Variants in GREM1 observed in about 807,000 individuals in gnomAD.
The protein encoded by GREM1 is gremlin-1.
Under a neutral mutation model 13.1 loss-of-function variants are expected in GREM1, and 6 were observed. The observed-to-expected ratio is 0.46, with a 90% CI of 0.25 to 0.91. GREM1 has a LOEUF of 0.91. Ranked by LOEUF, GREM1 falls within the 40% of genes least tolerant of loss-of-function variation. The pLI, the probability that GREM1 is intolerant of heterozygous loss-of-function variation, is 0.18. For missense variants in GREM1, 185 were observed against 233.9 expected (o/e 0.79, Z 1.36); for synonymous variants, 98 against 93.7 (o/e 1.05, Z -0.27).
At chr15:32,722,912 A>T (rs552396308) in intron 1 of GREM1, among the ~76,000 whole-genome samples, 13 of 152,340 alleles carry the variant, frequency 8.5e-5, no homozygotes, top group African/African-American at 3.1e-4. Flanking sequence ...CAGAGTTTGA[A>T]AAGAAGATAT....
In GREM1 at chr15:32,723,244, C is replaced by A. The variant is rs1231914915; in HGVS notation, c.-2+5083C>A. ...AAGTGCACATTATTTGGTGATACTA[C>A]AACTGGGATTTCAAGTGCACATCAC... On this transcript the variant is annotated intron_variant, in intron 1 of 1. Coordinates refer to ENST00000651154, the MANE Select transcript of GREM1 (RefSeq NM_013372.7). Among the ~76,000 whole-genome samples, 4 of 152,214 alleles carry A rather than the reference C, an allele frequency of 2.6e-5. No homozygotes were observed. The East Asian group carries it at 7.7e-4, about 29-fold the overall frequency.
At position 32,730,040 on chromosome 15, in the gene GREM1, G is replaced by A. The variant is rs75088213; in HGVS notation, c.-1-650G>A. 5.1e-4 allele frequency among the ~76,000 whole-genome samples: 78 copies of A among 152,308 alleles called. 1 individual carries two copies. The East Asian group carries it at 0.011, about 21-fold the overall frequency. ...ATCTGAACAGCGTACCTGGGGAGAC[G>A]AAGTATTGGTATCTTTGCTTAAATG... On this transcript the variant is annotated intron_variant, in intron 1 of 1. Coordinates refer to ENST00000651154, the MANE Select transcript of GREM1 (RefSeq NM_013372.7).
rs1382342425 is a variant in GREM1 at position 32,731,124 on chromosome 15, A to G, written c.434A>G (p.Lys145Arg). 6.2e-7 allele frequency: 1 copy of G among 1,614,164 alleles called. No homozygotes were observed. Among genetic ancestry groups the G allele is most frequent in the East Asian group, 2.2e-5 (1 of 44,878 alleles). The change falls in exon 2 of 2, where the codon AAG (lysine) becomes AGG (arginine). Residue 145 changes from lysine (K) to arginine (R), a missense_variant. Physicochemically the swap from Lys to Arg is conservative, Grantham distance 26. Transcript: ENST00000651154. ...EGSFQSCSFC[K>R]PKKFTTMMVT... ...TCCTTTCAGTCCTGCTCCTTCTGCA[A>G]GCCCAAGAAATTCACTACCATGATG...
chr15:32,721,271 G>C (rs1234613934), intron 1 of GREM1, among the ~76,000 whole-genome samples: 2 of 151,646 alleles, frequency 1.3e-5, no homozygotes, highest in African/African-American at 4.9e-5. Flanking sequence ...TTGGTAAAAG[G>C]AAGATGATAT....
rs17525764 is a variant in GREM1 at position 32,732,366 on chromosome 15, C to T, written c.*1121C>T. On this transcript the variant is annotated 3_prime_UTR_variant, in exon 2 of 2. Transcript: ENST00000651154. ...AGCCACTAACTTGATTGATAAAGATCCTGCCTCTGCTGAGTGTACCTGACA... is the reference window on the plus strand; with the variant it reads ...AGCCACTAACTTGATTGATAAAGATTCTGCCTCTGCTGAGTGTACCTGACA... 22,611 of 243,176 alleles carry T rather than the reference C, an allele frequency of 0.093. 1,294 individuals are homozygous for T. The highest frequency in any genetic ancestry group is 0.18 in the East Asian group (2,906 of 15,868). The allele number at this position is 243,176 out of a possible 1,614,324, so 15.1% of individuals were successfully genotyped here. A position where few individuals can be genotyped will look rare whatever the true frequency, so the allele number is the denominator to read the frequency against.
intron 1 of GREM1, 59 bp downstream of exon 1, chr15:32,718,220 C>A: frequency 8.0e-7 from 1 of 1,256,562 alleles, no homozygotes; most frequent in Non-Finnish European, 1.1e-6. Context: ...GGCCGCAAAC[C>A]AACCCAGGAC....
chr15:32,718,863 G>A, intron 1 of GREM1: 1 of 216,952 alleles, frequency 4.6e-6, no homozygotes, highest in East Asian at 1.2e-4. Context: ...CTCGCGGACC[G>A]GCCACGCACT....
At position 32,735,855 on chromosome 15, in the gene GREM1, A is replaced by C. The variant is rs1400565095; in HGVS notation, c.*4610A>C. 6.6e-6 allele frequency: 1 copy of C among 152,088 alleles called. No homozygotes were observed. The highest frequency in any genetic ancestry group is 1.5e-5 in the Non-Finnish European group (1 of 68,028). 9.4% of individuals were successfully genotyped at this position (152,088 alleles called of 1,614,324 possible). ...TGGTCCCCCAAAGAGTCTCTCCTCC[A>C]TAAAACTAATGAGAATGTGACAAAA... On this transcript the variant is annotated 3_prime_UTR_variant, in exon 2 of 2. Coordinates refer to ENST00000651154, the MANE Select transcript of GREM1 (RefSeq NM_013372.7).
intron 1 of GREM1, 84 bp downstream of exon 1, chr15:32,718,245 G>A: frequency 6.4e-6 from 7 of 1,091,614 alleles, no homozygotes; most frequent in Non-Finnish European, 8.9e-6. Context: ...TCAGTTCCAC[G>A]CGCGGCAGCC....
At chr15:32,718,554 G>C (rs535505380) in intron 1 of GREM1, 178 of 440,706 alleles carry the variant, frequency 4.0e-4, no homozygotes, top group Admixed American at 3.5e-3. Context: ...CCTGCTAGTC[G>C]GCCGCTGACT....
At chr15:32,730,567 A>C (rs2055597743) in intron 1 of GREM1, 123 bp from the exon 2 acceptor site, 14 of 674,654 alleles carry the variant, frequency 2.1e-5, no homozygotes, top group Non-Finnish European at 3.5e-5. Flanking sequence ...TGTGAGAAGT[A>C]AATGGAATAT....
intron 1 of GREM1, among the ~76,000 whole-genome samples, chr15:32,723,926 TGA>T (rs745464696): frequency 2.3e-4 from 35 of 152,342 alleles, no homozygotes; most frequent in African/African-American, 8.4e-4. Context: ...TTTGCCACAC[TGA>T]GAGTTAGACA....
At chr15:32,718,184 G>A in intron 1 of GREM1, 23 bp downstream of exon 1, 1 of 1,341,374 alleles carries the variant, frequency 7.5e-7, no homozygotes, top group Non-Finnish European at 9.8e-7. Context: ...GCACCCGGCA[G>A]GGATGTGAGT....
rs368178728 is a variant in GREM1 at position 32,736,630 on chromosome 15, C to A, written c.*5385C>A. 6.6e-6 allele frequency: 1 copy of A among 152,112 alleles called. No homozygotes were observed. Among genetic ancestry groups the A allele is most frequent in the Non-Finnish European group, 1.5e-5 (1 of 68,038 alleles). 9.4% of individuals were successfully genotyped at this position (152,112 alleles called of 1,614,324 possible). A position where few individuals can be genotyped will look rare whatever the true frequency, so the allele number is the denominator to read the frequency against. On this transcript the variant is annotated 3_prime_UTR_variant, in exon 2 of 2. Transcript: ENST00000651154. ...TTGATTCCAAGTGTTTGAGGAAATCCGTGTACAACTATTAGATGACTACTA... is the reference window on the plus strand; with the variant it reads ...TTGATTCCAAGTGTTTGAGGAAATCAGTGTACAACTATTAGATGACTACTA...
chr15:32,724,858 A>G (rs572250217), intron 1 of GREM1, among the ~76,000 whole-genome samples: 57 of 149,072 alleles, frequency 3.8e-4, no homozygotes, highest in Non-Finnish European at 6.5e-4. Flanking sequence ...CTCATTGTTC[A>G]ACTCCCACTT....
rs778343488 is a variant in GREM1, at chr15:32,730,792, C to T, written c.102C>T (p.Pro34=). 13 of 1,613,892 alleles carry T rather than the reference C, an allele frequency of 8.1e-6. No homozygotes were observed. The South Asian group carries it at 9.9e-5, about 12-fold the overall frequency. The change falls in exon 2 of 2, where the codon CCC becomes CCT. Residue 34 remains proline (P), a synonymous_variant. Coordinates refer to ENST00000651154, the MANE Select transcript of GREM1 (RefSeq NM_013372.7). ...AGAAAGGGTCCCAAGGTGCCATCCC[C>T]CCGCCAGACAAGGCCCAGCACAATG... The part of the protein sequence containing the change: ...GKKKGSQGAI[P]PPDKAQHNDS...
intron 1 of GREM1, among the ~76,000 whole-genome samples, chr15:32,722,322 C>T (rs2055421362): frequency 6.6e-6 from 1 of 152,172 alleles, no homozygotes; most frequent in Non-Finnish European, 1.5e-5. Flanking sequence ...TGATGTCATG[C>T]CTATTGAATG....
chr15:32,731,522 A>AT lies in GREM1; in HGVS notation c.*277_*278insT. The AT allele has an allele frequency of 2.2e-6, 1 of 462,240 alleles. No individual in the cohort carries two copies. The highest frequency in any genetic ancestry group is 4.0e-6 in the Non-Finnish European group (1 of 252,750). The allele number at this position is 462,240 out of a possible 1,614,324, so 28.6% of individuals were successfully genotyped here. On this transcript the variant is annotated 3_prime_UTR_variant, in exon 2 of 2. Coordinates refer to ENST00000651154, the MANE Select transcript of GREM1 (RefSeq NM_013372.7). ...TGGGGATGTACCAGAAACCCACCTC[A>AT]CCCCGGCTCACATCTAAAGGGGCGG... is the stretch of plus-strand genomic sequence containing the variant.
intron 1 of GREM1, among the ~76,000 whole-genome samples, chr15:32,721,734 A>T (rs1482743001): frequency 6.6e-6 from 1 of 152,092 alleles, no homozygotes; most frequent in Non-Finnish European, 1.5e-5. Context: ...AGCCTGGGTG[A>T]CATCTCTTAA....
Sources: allele counts gnomAD v4.1 joint callset (sites outside exome capture counted in the v4.1 genomes callset), GRCh38; gene constraint gnomAD v4.1.1; transcripts MANE v1.5; gene names NCBI Gene and HGNC (gene_info 2026-07-23, HGNC 2026-07-21).